Variants in SCHIP1 observed in about 807,000 individuals in gnomAD.
SCHIP1 encodes the protein schwannomin interacting protein 1, also known as schwannomin-interacting protein 1.
A neutral mutation model predicts 29.7 loss-of-function variants in SCHIP1; 8 were observed. The ratio of observed to expected loss-of-function variants is 0.27; its 90% CI spans 0.16 to 0.49. The LOEUF is 0.49. Among genes scored for constraint, SCHIP1 ranks in the 20% least tolerant of loss-of-function variants. SCHIP1 has a pLI of 0.99. For missense variants in SCHIP1, 193 were observed against 294.6 expected (o/e 0.66, Z 2.52); for synonymous variants, 76 against 94.9 (o/e 0.80, Z 1.16).
At chr3:159,515,031 A>G in the SCHIP1 span, among the ~76,000 whole-genome samples, 1 of 151,976 alleles carries the variant, frequency 6.6e-6, no homozygotes, top group Non-Finnish European at 1.5e-5. Flanking sequence ...TCTCATATCT[A>G]TTTTCAAAAC....
At chr3:159,440,423 C>T in the SCHIP1 span, among the ~76,000 whole-genome samples, 2 of 152,028 alleles carry the variant, frequency 1.3e-5, no homozygotes, top group Non-Finnish European at 2.9e-5. Context: ...TATGGCTGCA[C>T]CTCATTGTTT....
At chr3:159,736,546 G>A in the SCHIP1 span, among the ~76,000 whole-genome samples, 1 of 152,032 alleles carries the variant, frequency 6.6e-6, no homozygotes, top group Non-Finnish European at 1.5e-5. Flanking sequence ...AAACCACCAA[G>A]CTGGGGAAGC....
chr3:159,427,358 G>T, the SCHIP1 span, among the ~76,000 whole-genome samples: 18 of 151,688 alleles, frequency 1.2e-4, no homozygotes, highest in Non-Finnish European at 1.2e-4. Flanking sequence ...AAAGTCTCAG[G>T]ATACAAAATC....
the SCHIP1 span, among the ~76,000 whole-genome samples, chr3:159,333,277 T>TA: frequency 2.0e-5 from 3 of 152,244 alleles, no homozygotes; most frequent in East Asian, 1.9e-4. Context: ...GGATCCCTGA[T>TA]AAAAAATATA....
the SCHIP1 span, among the ~76,000 whole-genome samples, chr3:159,548,360 T>G: frequency 6.6e-6 from 1 of 152,118 alleles, no homozygotes; most frequent in East Asian, 1.9e-4. Flanking sequence ...GGAATTTGCC[T>G]TTTTTCAAAA....
chr3:159,513,460 T>C, the SCHIP1 span, among the ~76,000 whole-genome samples: 5 of 145,196 alleles, frequency 3.4e-5, no homozygotes, highest in African/African-American at 1.3e-4. Flanking sequence ...ATTTCACATT[T>C]CTTGTTTTCT....
chr3:159,462,329 T>C, the SCHIP1 span, among the ~76,000 whole-genome samples: 1 of 152,160 alleles, frequency 6.6e-6, no homozygotes. Context: ...CCATTGCTGA[T>C]GGAGATACAA....
the SCHIP1 span, among the ~76,000 whole-genome samples, chr3:159,710,004 T>C: frequency 2.0e-5 from 3 of 152,332 alleles, no homozygotes; most frequent in South Asian, 6.2e-4. Context: ...AAATTAGTAG[T>C]ACAGTCATTT....
chr3:159,338,385 T>G, the SCHIP1 span, among the ~76,000 whole-genome samples: 1 of 152,124 alleles, frequency 6.6e-6, no homozygotes, highest in African/African-American at 2.4e-5. Context: ...CAGGCTTTGA[T>G]GTAGGACCGT....
chr3:159,378,680 G>A, the SCHIP1 span, among the ~76,000 whole-genome samples: 1 of 152,138 alleles, frequency 6.6e-6, no homozygotes, highest in East Asian at 1.9e-4. Context: ...GCTCTCTCAG[G>A]CAGAAAAGCA....
the SCHIP1 span, among the ~76,000 whole-genome samples, chr3:159,711,942 T>TTGCTGCTGCTGCTGCTGCTGCTGCTGC: frequency 6.6e-6 from 1 of 151,298 alleles, no homozygotes; most frequent in Admixed American, 6.6e-5. Context: ...TAGGAAGATA[T>TTGCTGCTGCTGCTGCTGCTGCTGCTGC]TGCTGCTGCT....
At chr3:159,856,029 G>T (rs1259653886) in intron 1 of SCHIP1, among the ~76,000 whole-genome samples, 1 of 152,198 alleles carries the variant, frequency 6.6e-6, no homozygotes, top group Non-Finnish European at 1.5e-5. Flanking sequence ...ACATATCTTA[G>T]TGTTTAAGAA....
At chr3:159,660,276 T>C in the SCHIP1 span, among the ~76,000 whole-genome samples, 7 of 152,156 alleles carry the variant, frequency 4.6e-5, no homozygotes, top group African/African-American at 1.4e-4. Flanking sequence ...GTATAGATGA[T>C]GTCTGTGAGT....
the SCHIP1 span, among the ~76,000 whole-genome samples, chr3:159,432,150 C>G: frequency 6.6e-6 from 1 of 151,948 alleles, no homozygotes; most frequent in Non-Finnish European, 1.5e-5. Context: ...CTGGAGGATC[C>G]AAGATAGATT....
At chr3:159,395,446 T>G in the SCHIP1 span, among the ~76,000 whole-genome samples, 2 of 152,076 alleles carry the variant, frequency 1.3e-5, no homozygotes, top group South Asian at 4.2e-4. Context: ...TGCTTTCTCT[T>G]TTGGGCATTT....
chr3:159,273,296 T>G, the SCHIP1 span: 1 of 986,160 alleles, frequency 1.0e-6, no homozygotes, highest in African/African-American at 1.7e-5. Context: ...TGTGATAATC[T>G]TCAGCAGACC....
At chr3:159,794,273 G>T in the SCHIP1 span, among the ~76,000 whole-genome samples, 1 of 152,024 alleles carries the variant, frequency 6.6e-6, no homozygotes, top group Non-Finnish European at 1.5e-5. Flanking sequence ...GGAAGATTTT[G>T]TAAAGTCTCT....
chr3:159,533,481 T>G, the SCHIP1 span, among the ~76,000 whole-genome samples: 1 of 152,064 alleles, frequency 6.6e-6, no homozygotes, highest in Non-Finnish European at 1.5e-5. Context: ...TTATTTTGGG[T>G]TTTTTTCTCA....
chr3:159,449,179 A>T, the SCHIP1 span, among the ~76,000 whole-genome samples: 1 of 152,194 alleles, frequency 6.6e-6, no homozygotes, highest in East Asian at 1.9e-4. Context: ...AAATGCTAGA[A>T]GGCATAGATT....
Sources: allele counts gnomAD v4.1 joint callset (sites outside exome capture counted in the v4.1 genomes callset), GRCh38; gene constraint gnomAD v4.1.1; transcripts MANE v1.5; gene names NCBI Gene and HGNC (gene_info 2026-07-23, HGNC 2026-07-21).